The following TNFRSF19 variants were observed in gnomAD, a reference collection of about 807,000 sequenced individuals.
The protein encoded by TNFRSF19 is TNF receptor superfamily member 19.
In TNFRSF19, 27 loss-of-function variants were observed where a neutral mutation model predicts 46.4. The ratio of observed to expected loss-of-function variants is 0.58; its 90% CI spans 0.43 to 0.80. The LOEUF is 0.80. TNFRSF19 is among the 30% of genes least tolerant of loss of function. The pLI is 0.00. For synonymous variants in TNFRSF19, 204 were observed against 205.0 expected (o/e 1.00, Z 0.04); for missense variants, 511 against 530.8 (o/e 0.96, Z 0.37).
intron 2 of TNFRSF19, among the ~76,000 whole-genome samples, chr13:23,592,481 A>G (rs1253682034): frequency 1.3e-5 from 2 of 152,206 alleles, no homozygotes; most frequent in African/African-American, 2.4e-5. Flanking sequence ...GAAAAAAGCT[A>G]TATTTTGGAA....
intron 1 of TNFRSF19, among the ~76,000 whole-genome samples, chr13:23,586,365 G>A (rs1878840075): frequency 6.6e-6 from 1 of 152,206 alleles, no homozygotes; most frequent in Non-Finnish European, 1.5e-5. Flanking sequence ...AGTCCAGGGT[G>A]CTGTGGAAGC....
At chr13:23,632,998 C>A (rs1038493006) in intron 5 of TNFRSF19, among the ~76,000 whole-genome samples, 1 of 152,180 alleles carries the variant, frequency 6.6e-6, no homozygotes, top group Non-Finnish European at 1.5e-5. Flanking sequence ...ATCCTAATGA[C>A]TGACCCCTGA....
intron 3 of TNFRSF19, among the ~76,000 whole-genome samples, chr13:23,595,973 A>G (rs1879692047): frequency 6.6e-6 from 1 of 152,236 alleles, no homozygotes; most frequent in Non-Finnish European, 1.5e-5. Context: ...CTTAAAGAAA[A>G]GAATTTTCAA....
intron 5 of TNFRSF19, among the ~76,000 whole-genome samples, chr13:23,641,891 T>C (rs1014850198): frequency 2.0e-5 from 3 of 152,192 alleles, no homozygotes; most frequent in African/African-American, 4.8e-5. Context: ...TCGCTTACCC[T>C]AGCCTGCTTT....
intron 5 of TNFRSF19, among the ~76,000 whole-genome samples, chr13:23,636,318 CT>C (rs1267039782): frequency 6.6e-6 from 1 of 152,122 alleles, no homozygotes; most frequent in African/African-American, 2.4e-5. Flanking sequence ...AGAAAAATTG[CT>C]TTTTAAAATT....
Position 23,612,097 on chromosome 13 carries a change from G to C in TNFRSF19, c.181-3770G>C, listed in dbSNP as rs1880948033. On this transcript the variant is annotated intron_variant, in intron 3 of 9. Coordinates refer to ENST00000248484, the MANE Select transcript of TNFRSF19 (RefSeq NM_148957.4). ...ATTATTTTTGTTAAATCTCATGTGTGTAATAGTTTTTCAGTATACGAATGA... is the reference window on the plus strand; with the variant it reads ...ATTATTTTTGTTAAATCTCATGTGTCTAATAGTTTTTCAGTATACGAATGA... 2.0e-5 allele frequency among the ~76,000 whole-genome samples: 3 copies of C among 152,192 alleles called. No homozygotes were observed. The South Asian group carries it at 6.2e-4, about 32-fold the overall frequency.
At chr13:23,588,865 C>T (rs1025256075) in intron 1 of TNFRSF19, among the ~76,000 whole-genome samples, 13 of 152,208 alleles carry the variant, frequency 8.5e-5, no homozygotes, top group African/African-American at 2.7e-4. Flanking sequence ...ATGGGTCATT[C>T]ACTCAACAAA....
intron 3 of TNFRSF19, among the ~76,000 whole-genome samples, chr13:23,603,833 C>T (rs1036021507): frequency 4.6e-5 from 7 of 151,950 alleles, no homozygotes; most frequent in African/African-American, 1.7e-4. Flanking sequence ...GGAATTTCCT[C>T]TACTTGGTAA....
At chr13:23,614,549 C>A (rs893310203) in intron 3 of TNFRSF19, among the ~76,000 whole-genome samples, 1 of 152,092 alleles carries the variant, frequency 6.6e-6, no homozygotes, top group Non-Finnish European at 1.5e-5. Flanking sequence ...TTCTTGCAAG[C>A]CTTTCTTCCT....
At chr13:23,592,898 A>C (rs1879417684) in intron 2 of TNFRSF19, among the ~76,000 whole-genome samples, 1 of 152,178 alleles carries the variant, frequency 6.6e-6, no homozygotes, top group African/African-American at 2.4e-5. Flanking sequence ...GAATATGTTT[A>C]TATTTCTTAG....
intron 1 of TNFRSF19, chr13:23,579,386 G>C (rs1191727270): frequency 2.6e-5 from 4 of 152,548 alleles, no homozygotes; most frequent in Non-Finnish European, 4.4e-5. Context: ...AGAGCGCGGA[G>C]CCCTGCGCTG....
chr13:23,592,608 A>G (rs897687002), intron 2 of TNFRSF19, among the ~76,000 whole-genome samples: 1 of 152,232 alleles, frequency 6.6e-6, no homozygotes, highest in African/African-American at 2.4e-5. Flanking sequence ...CAGTAAAGGC[A>G]TAAGCTCAGA....
At chr13:23,573,017 C>A (rs190371433) in intron 1 of TNFRSF19, among the ~76,000 whole-genome samples, 2 of 152,266 alleles carry the variant, frequency 1.3e-5, no homozygotes, top group Admixed American at 1.3e-4. Context: ...GGGAGTTGAT[C>A]ACATCATCTT....
chr13:23,592,555 C>A (rs951767140), intron 2 of TNFRSF19, among the ~76,000 whole-genome samples: 4 of 152,158 alleles, frequency 2.6e-5, no homozygotes, highest in African/African-American at 4.8e-5. Flanking sequence ...ATGCTGTGAA[C>A]CAAAGCATAC....
chr13:23,593,839 C>G (rs1338929552), intron 3 of TNFRSF19, among the ~76,000 whole-genome samples: 1 of 152,178 alleles, frequency 6.6e-6, no homozygotes, highest in Non-Finnish European at 1.5e-5. Context: ...CAACTCTGAT[C>G]TGCAGCTCCC....
intron 1 of TNFRSF19, among the ~76,000 whole-genome samples, chr13:23,581,132 CTTTTTTT>C (rs746641461): frequency 2.8e-5 from 4 of 143,666 alleles, no homozygotes; most frequent in Admixed American, 1.4e-4. Flanking sequence ...TTTTTCTTTT[CTTTTTTT>C]TTTTTTGAAA....
At position 23,668,721 on chromosome 13, in the gene TNFRSF19, C is replaced by T. The variant is rs200602341; in HGVS notation, c.869C>T (p.Pro290Leu). 16 of 1,613,840 alleles carry T rather than the reference C, an allele frequency of 9.9e-6. 1 individual carries two copies. The highest frequency in any genetic ancestry group is 3.3e-5 in the South Asian group (3 of 91,042). ...RNAGPAGEMV[P>L]TFFGSLTQSI... ...GCAGGCCCAGCCGGGGAGATGGTGC[C>T]GACTTTCTTCGGATCCCTCACGCAG... Residue 290 changes from proline to leucine, a missense_variant, in exon 9 of 10, where the codon CCG becomes CTG. Coordinates refer to ENST00000248484, the MANE Select transcript of TNFRSF19 (RefSeq NM_148957.4).
intron 3 of TNFRSF19, among the ~76,000 whole-genome samples, chr13:23,603,729 A>G (rs1036965909): frequency 1.3e-5 from 2 of 152,064 alleles, no homozygotes; most frequent in Non-Finnish European, 2.9e-5. Context: ...CACATATAGC[A>G]GTAAGTGCAC....
intron 5 of TNFRSF19, among the ~76,000 whole-genome samples, chr13:23,642,731 A>G (rs1428590738): frequency 2.6e-5 from 4 of 152,244 alleles, no homozygotes; most frequent in African/African-American, 7.2e-5. Flanking sequence ...AATTTAAACT[A>G]TGATCCCTCA....
Sources: gnomAD v4.1 joint callset for allele counts (sites outside exome capture counted in the v4.1 genomes callset) on GRCh38, gnomAD v4.1.1 for gene constraint, MANE v1.5 for transcripts, NCBI Gene and HGNC (gene_info 2026-07-23, HGNC 2026-07-21) for gene names.